NXPE2: variants seen among roughly 807,000 people sequenced by gnomAD.
NXPE2 encodes the protein NXPE family member 2.
A neutral mutation model predicts 34.4 loss-of-function variants in NXPE2; 34 were observed. The ratio of observed to expected loss-of-function variants is 0.99; its 90% CI spans 0.75 to 1.31. NXPE2 has a LOEUF of 1.31. NXPE2 is among the 40% of genes most tolerant of loss of function. NXPE2 has a pLI of 0.00. For missense variants in NXPE2, 649 were observed against 672.5 expected, an observed-to-expected ratio of 0.97 and a Z score of 0.39; for synonymous variants, 235 against 231.3, an observed-to-expected ratio of 1.02 and a Z score of -0.15.
chr11:114,489,891 T>TGGAAAGGAAGTTTTATAG, the NXPE2 span, among the ~76,000 whole-genome samples: 1 of 150,830 alleles, frequency 6.6e-6, no homozygotes, highest in Non-Finnish European at 1.5e-5. Context: ...GAAAGGGCAT[T>TGGAAAGGAAGTTTTATAG]CAATTAGGAA....
chr11:114,626,046 T>A, the NXPE2 span, among the ~76,000 whole-genome samples: 419 of 152,322 alleles, frequency 2.8e-3, no homozygotes, highest in African/African-American at 8.9e-3. Context: ...GTCTCACTGA[T>A]TGCTAGCACA....
chr11:114,545,711 A>G, the NXPE2 span, among the ~76,000 whole-genome samples: 2 of 147,122 alleles, frequency 1.4e-5, no homozygotes, highest in Non-Finnish European at 3.0e-5. Context: ...TTTTTTTGAG[A>G]CAGATTCCTG....
At chr11:114,540,693 A>G in the NXPE2 span, among the ~76,000 whole-genome samples, 1 of 152,126 alleles carries the variant, frequency 6.6e-6, no homozygotes, top group African/African-American at 2.4e-5. Flanking sequence ...AAGGCTAAAG[A>G]CAGTGAACAA....
chr11:114,750,635 C>A, the NXPE2 span, among the ~76,000 whole-genome samples: 1 of 152,204 alleles, frequency 6.6e-6, no homozygotes, highest in African/African-American at 2.4e-5. Context: ...CATCACTAAA[C>A]AAACACTCCA....
At chr11:114,692,520 G>T (rs116343231) in intron 2 of NXPE2, among the ~76,000 whole-genome samples, 1,961 of 152,276 alleles carry the variant, frequency 0.013, 30 homozygotes, top group African/African-American at 0.045. Flanking sequence ...ATGTTTCTGT[G>T]TGATCTTCAG....
intron 2 of NXPE2, among the ~76,000 whole-genome samples, chr11:114,681,160 T>C (rs1262747162): frequency 2.0e-5 from 3 of 152,202 alleles, no homozygotes; most frequent in South Asian, 2.1e-4. Context: ...TTTAGACCGA[T>C]ACTTTGTCAT....
chr11:114,713,509 G>C, the NXPE2 span, among the ~76,000 whole-genome samples: 1 of 152,170 alleles, frequency 6.6e-6, no homozygotes, highest in Non-Finnish European at 1.5e-5. Context: ...CCCCGAACCT[G>C]AGTATATGAA....
At chr11:114,524,094 T>C in the NXPE2 span, among the ~76,000 whole-genome samples, 1 of 151,976 alleles carries the variant, frequency 6.6e-6, no homozygotes, top group African/African-American at 2.4e-5. Flanking sequence ...CTAACTTGGC[T>C]CTTGCTGTTC....
chr11:114,510,666 T>C, the NXPE2 span, among the ~76,000 whole-genome samples: 1 of 152,168 alleles, frequency 6.6e-6, no homozygotes, highest in African/African-American at 2.4e-5. Flanking sequence ...CCAACAGGAA[T>C]ACATGAATAA....
At chr11:114,583,646 G>A in the NXPE2 span, 89 of 589,140 alleles carry the variant, frequency 1.5e-4, no homozygotes, top group African/African-American at 1.6e-3. Context: ...GATGGACACT[G>A]CTGTGAATTG....
chr11:114,602,135 C>G, the NXPE2 span, among the ~76,000 whole-genome samples: 1 of 98,878 alleles, frequency 1.0e-5, no homozygotes, highest in African/African-American at 4.2e-5. Context: ...TTATACATAA[C>G]ATATACTATA....
chr11:114,651,531 C>T, the NXPE2 span, among the ~76,000 whole-genome samples: 1 of 152,196 alleles, frequency 6.6e-6, no homozygotes, highest in African/African-American at 2.4e-5. Flanking sequence ...GGAAGAGAAT[C>T]CGAAAAGATT....
chr11:114,488,153 C>G, the NXPE2 span, among the ~76,000 whole-genome samples: 290 of 152,122 alleles, frequency 1.9e-3, no homozygotes, highest in African/African-American at 6.8e-3. Context: ...TGCTGGGAGA[C>G]TTTTTGTTAT....
the NXPE2 span, among the ~76,000 whole-genome samples, chr11:114,547,137 G>A: frequency 2.0e-5 from 3 of 152,130 alleles, no homozygotes; most frequent in East Asian, 5.8e-4. Flanking sequence ...AAAGAGCAGG[G>A]TGGGGCAGAA....
chr11:114,601,004 T>C, the NXPE2 span, among the ~76,000 whole-genome samples: 1 of 152,018 alleles, frequency 6.6e-6, no homozygotes, highest in African/African-American at 2.4e-5. Context: ...TTCGAACAGG[T>C]TGATGCTGCC....
the NXPE2 span, among the ~76,000 whole-genome samples, chr11:114,734,123 A>C: frequency 0.12 from 18,516 of 152,158 alleles, 1,354 homozygotes; most frequent in African/African-American, 0.2. Context: ...CTTATCTTTT[A>C]AAAAATCCTC....
the NXPE2 span, among the ~76,000 whole-genome samples, chr11:114,810,293 T>C: frequency 1.3e-5 from 2 of 151,174 alleles, no homozygotes; most frequent in Non-Finnish European, 2.9e-5. Flanking sequence ...AAGGACTTCA[T>C]GTCTAGAACA....
the NXPE2 span, among the ~76,000 whole-genome samples, chr11:114,756,909 C>T: frequency 5.9e-5 from 9 of 152,024 alleles, no homozygotes; most frequent in African/African-American, 1.4e-4. Context: ...TCACCGCCTA[C>T]GTTCCTCTTG....
the NXPE2 span, among the ~76,000 whole-genome samples, chr11:114,803,424 C>T: frequency 6.6e-6 from 1 of 152,166 alleles, no homozygotes; most frequent in African/African-American, 2.4e-5. Context: ...AACTTATAAA[C>T]AGCAGAAATT....
Sources: allele counts gnomAD v4.1 joint callset (sites outside exome capture counted in the v4.1 genomes callset), GRCh38; gene constraint gnomAD v4.1.1; transcripts MANE v1.5; gene names NCBI Gene and HGNC (gene_info 2026-07-23, HGNC 2026-07-21).